The following ZSCAN2 variants were observed in gnomAD, a reference collection of about 807,000 sequenced individuals.
The protein encoded by ZSCAN2 is zinc finger and SCAN domain containing 2.
In ZSCAN2, 26 loss-of-function variants were observed where a neutral mutation model predicts 47.8. The ratio of observed to expected loss-of-function variants is 0.54; its 90% CI spans 0.40 to 0.75. The LOEUF (loss-of-function observed/expected upper bound fraction) is 0.75, where lower values mean the gene tolerates loss of function less well. ZSCAN2 is among the 30% of genes least tolerant of loss of function. The pLI is 0.00. For synonymous variants in ZSCAN2, 305 were observed against 288.7 expected (o/e 1.06, Z -0.57); for missense variants, 732 against 785.4 (o/e 0.93, Z 0.81).
At chr15:84,604,458 C>T in intron 2 of ZSCAN2, 125 bp downstream of exon 2, 1 of 1,235,848 alleles carries the variant, frequency 8.1e-7, no homozygotes, top group Admixed American at 2.6e-5. Flanking sequence ...TCCCTCTGCT[C>T]TGTCTGCAGG....
At chr15:84,606,644 G>A in intron 2 of ZSCAN2, 1 of 1,603,334 alleles carries the variant, frequency 6.2e-7, no homozygotes, top group African/African-American at 1.3e-5. Context: ...GAGGCCTCAG[G>A]TTGTTATTTG....
At chr15:84,609,933 A>G (rs1895495734) in intron 2 of ZSCAN2, among the ~76,000 whole-genome samples, 1 of 152,228 alleles carries the variant, frequency 6.6e-6, no homozygotes, top group Admixed American at 6.5e-5. Flanking sequence ...CCCCATGTTC[A>G]TTCTGGTATG....
intron 2 of ZSCAN2, among the ~76,000 whole-genome samples, chr15:84,615,991 T>C (rs1895682783): frequency 6.6e-6 from 1 of 152,158 alleles, no homozygotes; most frequent in South Asian, 2.1e-4. Flanking sequence ...CCCAACACTT[T>C]GGGAGGCCGA....
chr15:84,601,584 G>C (rs575010252), intron 1 of ZSCAN2, among the ~76,000 whole-genome samples: 1 of 152,212 alleles, frequency 6.6e-6, no homozygotes, highest in African/African-American at 2.4e-5. Flanking sequence ...CACGTTGAGA[G>C]CTTCGGTTTT....
intron 2 of ZSCAN2, among the ~76,000 whole-genome samples, chr15:84,606,037 ATTCTAAGAGACAC>A (rs1472986216): frequency 6.6e-6 from 1 of 152,236 alleles, no homozygotes; most frequent in Admixed American, 6.5e-5. Flanking sequence ...CATATGTATG[ATTCTAAGAGACAC>A]TTCCTAGTGG....
chr15:84,621,557 C>T lies in ZSCAN2; in HGVS notation c.1362C>T (p.Ser454=), dbSNP rs766586149. The change falls in exon 3 of 3, where the codon AGC becomes AGT. Residue 454 remains serine, a synonymous_variant. Transcript: ENST00000546148. This position sits in a 1 kb window ranked among gnomAD's most constrained non-coding sequence, Gnocchi z 5.7. ...ATAAGTGTGGGGTGTGTGGGAAGAG[C>T]TTCAGCCAGAGCTCCAGTCTGATTG... ...KPYKCGVCGK[S]FSQSSSLIAH... The T allele has an allele frequency of 7.4e-6, 12 of 1,614,108 alleles. No individual in the cohort carries two copies. In the South Asian group the frequency reaches 1.1e-4, roughly 15 times the overall value.
At chr15:84,601,281 C>A (rs773007438) in intron 1 of ZSCAN2, 146 bp downstream of exon 1, 10 of 152,236 alleles carry the variant, frequency 6.6e-5, no homozygotes, top group African/African-American at 2.4e-4. Flanking sequence ...GCCCTGCAGC[C>A]CCGATTTACG....
intron 2 of ZSCAN2, among the ~76,000 whole-genome samples, chr15:84,615,265 G>T (rs1895664849): frequency 6.6e-6 from 1 of 151,698 alleles, no homozygotes; most frequent in Non-Finnish European, 1.5e-5. Flanking sequence ...TTAAGTACTA[G>T]TTCTATTGCT....
At chr15:84,604,791 GC>G (rs1895329858) in intron 2 of ZSCAN2, among the ~76,000 whole-genome samples, 1 of 142,852 alleles carries the variant, frequency 7.0e-6, no homozygotes, top group Non-Finnish European at 1.5e-5. Flanking sequence ...AGGCTGGGGT[GC>G]AGTGGCACAA....
rs71132689 is a variant in ZSCAN2, at chr15:84,610,488, C to CTT, written c.406+6172_406+6173dup. On this transcript the variant is annotated intron_variant, in intron 2 of 2. Transcript: ENST00000546148. ...GAAGTCTTTCTTTCTTTCTTTCTTT[C>CTT]TTTTTTTTTTTTTTTTTTGAGATGG... Among the ~76,000 whole-genome samples, 599 of 86,840 alleles carry CTT rather than the reference C, an allele frequency of 6.9e-3. 9 individuals are homozygous for CTT. The highest frequency in any genetic ancestry group is 0.01 in the Middle Eastern group (2 of 192). The allele number at this position is 86,840 out of a possible 152,430, so 57.0% of individuals were successfully genotyped here.
At chr15:84,605,596 A>G (rs1261358096) in intron 2 of ZSCAN2, among the ~76,000 whole-genome samples, 1 of 152,124 alleles carries the variant, frequency 6.6e-6, no homozygotes, top group Non-Finnish European at 1.5e-5. Flanking sequence ...GTTTGGGGGA[A>G]GGGTGGGTGA....
At chr15:84,609,530 C>T (rs765102393) in intron 2 of ZSCAN2, among the ~76,000 whole-genome samples, 5 of 152,098 alleles carry the variant, frequency 3.3e-5, no homozygotes, top group African/African-American at 4.8e-5. Flanking sequence ...AAAAGTATAC[C>T]GGACAGAATT....
At position 84,622,192 on chromosome 15, in the gene ZSCAN2, G is replaced by A; in HGVS notation, c.*152G>A. On this transcript the variant is annotated 3_prime_UTR_variant, in exon 3 of 3. Coordinates refer to ENST00000546148, the MANE Select transcript of ZSCAN2 (RefSeq NM_181877.4). ...TGCTCATCCTCATTTCCAGGACACTGTCATTTTAGTGGTCTGAGTCAAGTC... is the reference window on the plus strand; with the variant it reads ...TGCTCATCCTCATTTCCAGGACACTATCATTTTAGTGGTCTGAGTCAAGTC... 1 of 711,004 alleles carries A rather than the reference G, an allele frequency of 1.4e-6. No homozygotes were observed. Among genetic ancestry groups the A allele is most frequent in the Non-Finnish European group, 2.4e-6 (1 of 417,908 alleles). The allele number at this position is 711,004 out of a possible 1,614,324, so 44.0% of individuals were successfully genotyped here.
In ZSCAN2 at chr15:84,601,713, A is replaced by T. The variant is rs149512949; in HGVS notation, c.-109+578A>T. 7.4e-4 allele frequency among the ~76,000 whole-genome samples: 112 copies of T among 151,744 alleles called. No homozygotes were observed. In the East Asian group the frequency reaches 9.3e-3, roughly 13 times the overall value. On this transcript the variant is annotated intron_variant, in intron 1 of 2. Transcript: ENST00000546148. ...TGATGTAGTAATGATTTTTTAAAAA[A>T]TTTTTTTATTTTTGTAGAGACTGGG...
At chr15:84,618,512 A>G (rs1895746138) in intron 2 of ZSCAN2, among the ~76,000 whole-genome samples, 1 of 152,044 alleles carries the variant, frequency 6.6e-6, no homozygotes, top group South Asian at 2.1e-4. Flanking sequence ...TGGTATAAAC[A>G]ATGTCATCAA....
chr15:84,615,759 C>G (rs781028002), intron 2 of ZSCAN2, among the ~76,000 whole-genome samples: 1 of 152,160 alleles, frequency 6.6e-6, no homozygotes, highest in South Asian at 2.1e-4. Context: ...CCATTGCGCT[C>G]CTTTTCCTGT....
At chr15:84,619,424 C>T (rs550004891) in intron 2 of ZSCAN2, among the ~76,000 whole-genome samples, 3 of 147,750 alleles carry the variant, frequency 2.0e-5, no homozygotes, top group South Asian at 2.2e-4. Flanking sequence ...AGCGAGACTC[C>T]GTCTCAAAAA....
intron 2 of ZSCAN2, chr15:84,606,344 T>C (rs748455): frequency 0.25 from 147,784 of 583,738 alleles, 21,016 homozygotes; most frequent in Middle Eastern, 0.41. Flanking sequence ...ATAGGAAATA[T>C]AAGTGCAGGA....
At chr15:84,619,356 G>T (rs901263549) in intron 2 of ZSCAN2, among the ~76,000 whole-genome samples, 8 of 152,032 alleles carry the variant, frequency 5.3e-5, no homozygotes, top group African/African-American at 1.9e-4. Context: ...CGTGAACTGG[G>T]GAGGCGGAGC....
Sources: allele counts gnomAD v4.1 joint callset (sites outside exome capture counted in the v4.1 genomes callset), GRCh38; gene constraint gnomAD v4.1.1; non-coding constraint Gnocchi (gnomAD v3.1); transcripts MANE v1.5; gene names NCBI Gene and HGNC (gene_info 2026-07-23, HGNC 2026-07-21).